The following TOX variants were observed in gnomAD, a reference collection of about 807,000 sequenced individuals.
TOX encodes the protein thymocyte selection associated high mobility group box.
A neutral mutation model predicts 53.7 loss-of-function variants in TOX; 11 were observed. That is an observed-to-expected ratio of 0.20 (90% CI 0.13 to 0.34). The LOEUF is 0.34. Ranked by LOEUF, TOX falls within the 10% of genes least tolerant of loss-of-function variation. The pLI, the probability that TOX is intolerant of heterozygous loss-of-function variation, is 1.00. For missense variants in TOX, 570 were observed against 664.6 expected (o/e 0.86, Z 1.56); for synonymous variants, 225 against 245.3 (o/e 0.92, Z 0.77).
intron 3 of TOX, among the ~76,000 whole-genome samples, chr8:58,875,104 C>T (rs1811262368): frequency 6.6e-6 from 1 of 152,172 alleles, no homozygotes; most frequent in Admixed American, 6.5e-5. Flanking sequence ...GCCGACAGTT[C>T]ACGGAGTCTT....
intron 1 of TOX, among the ~76,000 whole-genome samples, chr8:58,969,608 A>T (rs1812965695): frequency 6.6e-6 from 1 of 152,212 alleles, no homozygotes; most frequent in Admixed American, 6.5e-5. Flanking sequence ...AAGGCTTCAC[A>T]CATAAGATGT....
Position 58,830,785 on chromosome 8 carries a change from G to T in TOX, c.925-3883C>A, listed in dbSNP as rs189188662. Among the ~76,000 whole-genome samples the T allele has an allele frequency of 2.8e-3, 421 of 152,104 alleles. 1 individual carries two copies. Among genetic ancestry groups the T allele is most frequent in the African/African-American group, 9.8e-3 (407 of 41,510 alleles). ...TTCTGGATTCTATCCAAAAACTAAAGGCATTCTTCATTCTGGGTAAGTTCA... is the reference window on the plus strand; with the variant it reads ...TTCTGGATTCTATCCAAAAACTAAATGCATTCTTCATTCTGGGTAAGTTCA... On this transcript the variant is annotated intron_variant, in intron 5 of 8. Coordinates refer to ENST00000361421, the MANE Select transcript of TOX (RefSeq NM_014729.3).
chr8:59,038,988 G>T (rs937677459), intron 1 of TOX, among the ~76,000 whole-genome samples: 8 of 152,192 alleles, frequency 5.3e-5, no homozygotes, highest in African/African-American at 1.9e-4. Context: ...ACCAGCTTTG[G>T]CCTCAGGCAA....
At chr8:58,894,027 A>C (rs1440109683) in intron 3 of TOX, among the ~76,000 whole-genome samples, 1 of 152,250 alleles carries the variant, frequency 6.6e-6, no homozygotes, top group Admixed American at 6.5e-5. Context: ...GTTTCCAAGT[A>C]AAATGGATTG....
chr8:58,899,211 C>G (rs17231026), intron 3 of TOX, among the ~76,000 whole-genome samples: 10,775 of 152,270 alleles, frequency 0.071, 587 homozygotes, highest in Admixed American at 0.17. Context: ...TATACTTTCC[C>G]GCTTTCTACT....
At chr8:58,862,401 C>T (rs1472954329) in intron 3 of TOX, among the ~76,000 whole-genome samples, 1 of 152,106 alleles carries the variant, frequency 6.6e-6, no homozygotes, top group Admixed American at 6.6e-5. Flanking sequence ...ATCACTCACT[C>T]ATTTATGGTT....
At chr8:59,059,986 C>A (rs969114831) in intron 1 of TOX, among the ~76,000 whole-genome samples, 1 of 151,446 alleles carries the variant, frequency 6.6e-6, no homozygotes, top group Non-Finnish European at 1.5e-5. Flanking sequence ...GTATGCTTAT[C>A]TTTTTATCTT....
intron 1 of TOX, among the ~76,000 whole-genome samples, chr8:59,004,570 G>A (rs373445485): frequency 1.3e-5 from 2 of 152,258 alleles, no homozygotes; most frequent in South Asian, 4.1e-4. Context: ...GGTTTTATTC[G>A]ATTTAAATTA....
At chr8:58,915,170 C>CG (rs1240079484) in intron 3 of TOX, among the ~76,000 whole-genome samples, 2 of 151,628 alleles carry the variant, frequency 1.3e-5, no homozygotes, top group East Asian at 1.9e-4. Context: ...AACAAAGCAG[C>CG]GGGGAAGCTC....
intron 1 of TOX, among the ~76,000 whole-genome samples, chr8:59,072,597 A>ACGTAGTTG (rs1290326768): frequency 6.6e-6 from 1 of 152,232 alleles, no homozygotes; most frequent in Non-Finnish European, 1.5e-5. Context: ...GAACATAGCC[A>ACGTAGTTG]CGTAGTTGCA....
rs35347981 is a variant in TOX at position 58,838,699 on chromosome 8, C to CTTTTTTTTTTT, written c.694-399_694-389dup. On this transcript the variant is annotated intron_variant, in intron 4 of 8. Coordinates refer to ENST00000361421, the MANE Select transcript of TOX (RefSeq NM_014729.3). ...TTTCTTCTAAGGAAGTTATCCTTGTCTTTTTTTTTTTTTTTTTTTTTGAGA... is the reference window on the plus strand; with the variant it reads ...TTTCTTCTAAGGAAGTTATCCTTGTCTTTTTTTTTTTTTTTTTTTTTTTTTTTTTTTTGAGA... Among the ~76,000 whole-genome samples the CTTTTTTTTTTT allele has an allele frequency of 2.6e-4, 23 of 88,908 alleles. 1 individual carries two copies. Among genetic ancestry groups the CTTTTTTTTTTT allele is most frequent in the African/African-American group, 8.4e-4 (14 of 16,724 alleles). The allele number at this position is 88,908 out of a possible 152,430, so 58.3% of individuals were successfully genotyped here.
Position 59,118,042 on chromosome 8 carries a change from C to T in TOX, c.102+844G>A, listed in dbSNP as rs2129425398. Among the ~76,000 whole-genome samples the T allele has an allele frequency of 6.6e-6, 1 of 152,340 alleles. No homozygotes were observed. The highest frequency in any genetic ancestry group is 1.9e-4 in the East Asian group (1 of 5,170). ...AGGTGGACCCAGCCGAACTCCGCAGCAGCCCAGGCCAGCGCCCCACCTCCG... is the reference window on the plus strand; with the variant it reads ...AGGTGGACCCAGCCGAACTCCGCAGTAGCCCAGGCCAGCGCCCCACCTCCG... On this transcript the variant is annotated intron_variant, in intron 1 of 8. Transcript: ENST00000361421. The surrounding 1 kb of genome is among the most constrained non-coding windows in gnomAD (Gnocchi z 4.1).
intron 1 of TOX, among the ~76,000 whole-genome samples, chr8:58,964,533 C>T (rs1006801295): frequency 6.6e-6 from 1 of 152,180 alleles, no homozygotes; most frequent in Admixed American, 6.5e-5. Context: ...ACCCAACAAT[C>T]TTAGAAAGCA....
chr8:59,092,899 C>A (rs527963341), intron 1 of TOX, among the ~76,000 whole-genome samples: 8 of 152,186 alleles, frequency 5.3e-5, no homozygotes, highest in African/African-American at 1.7e-4. Flanking sequence ...GAGTAAGTGC[C>A]CAGTAAATAT....
At chr8:59,023,109 C>A (rs1322328776) in intron 1 of TOX, among the ~76,000 whole-genome samples, 2 of 152,132 alleles carry the variant, frequency 1.3e-5, no homozygotes, top group Non-Finnish European at 2.9e-5. Context: ...TGATGTGCAG[C>A]AAACCTGCTT....
At chr8:59,040,244 G>A (rs2129420642) in intron 1 of TOX, among the ~76,000 whole-genome samples, 1 of 150,692 alleles carries the variant, frequency 6.6e-6, no homozygotes, top group South Asian at 2.1e-4. Context: ...CAGGAGAATG[G>A]CGGGAACCCG....
chr8:59,004,934 T>C (rs1008950074), intron 1 of TOX, among the ~76,000 whole-genome samples: 3 of 152,250 alleles, frequency 2.0e-5, no homozygotes, highest in Non-Finnish European at 4.4e-5. Context: ...TAGTAGCCTA[T>C]ATCTGGAATA....
chr8:58,925,094 A>G (rs992863045), intron 3 of TOX, among the ~76,000 whole-genome samples: 1 of 152,124 alleles, frequency 6.6e-6, no homozygotes, highest in Non-Finnish European at 1.5e-5. Context: ...CTCACCATTC[A>G]CGCCACAGCT....
intron 1 of TOX, among the ~76,000 whole-genome samples, chr8:59,020,356 C>T (rs555067492): frequency 2.0e-5 from 3 of 152,272 alleles, no homozygotes; most frequent in Admixed American, 2.0e-4. Flanking sequence ...TCCATGATGT[C>T]CCACCCGCTG....
Sources: gnomAD v4.1 joint callset for allele counts (sites outside exome capture counted in the v4.1 genomes callset) on GRCh38, gnomAD v4.1.1 for gene constraint, Gnocchi (gnomAD v3.1) non-coding constraint, MANE v1.5 for transcripts, NCBI Gene and HGNC (gene_info 2026-07-23, HGNC 2026-07-21) for gene names.